The following HDAC9 variants were observed in gnomAD, a reference collection of about 807,000 sequenced individuals.
HDAC9 encodes MEF-2 interacting transcription repressor (MITR) protein.
HDAC9 carries 41 observed loss-of-function variants against 139.4 expected under a neutral mutation model. The ratio of observed to expected loss-of-function variants is 0.29; its 90% CI spans 0.23 to 0.38. HDAC9 has a LOEUF of 0.38. Ranked by LOEUF, HDAC9 falls within the 10% of genes least tolerant of loss-of-function variation. HDAC9 has a pLI of 1.00. For missense variants in HDAC9, 1,147 were observed against 1,297.0 expected, an observed-to-expected ratio of 0.88 and a Z score of 1.78; for synonymous variants, 517 against 476.2, an observed-to-expected ratio of 1.09 and a Z score of -1.12.
intron 1 of HDAC9, among the ~76,000 whole-genome samples, chr7:18,369,917 G>A (rs897623275): frequency 1.3e-5 from 2 of 152,078 alleles, no homozygotes; most frequent in Non-Finnish European, 2.9e-5. Flanking sequence ...GGAAAAAATT[G>A]TAAGGTCAAC....
chr7:18,314,530 T>C (rs1011993796), intron 1 of HDAC9, among the ~76,000 whole-genome samples: 16 of 152,336 alleles, frequency 1.1e-4, no homozygotes, highest in African/African-American at 3.8e-4. Flanking sequence ...TCCTTTTATC[T>C]CTGTTGGTGC....
At chr7:18,856,049 C>G (rs1260864096) in intron 21 of HDAC9, among the ~76,000 whole-genome samples, 1 of 152,078 alleles carries the variant, frequency 6.6e-6, no homozygotes, top group Admixed American at 6.6e-5. Flanking sequence ...TGCACACAGA[C>G]CCAACATCTG....
At chr7:18,705,852 C>G (rs1209463654) in intron 12 of HDAC9, among the ~76,000 whole-genome samples, 1 of 82,022 alleles carries the variant, frequency 1.2e-5, no homozygotes, top group African/African-American at 7.6e-5. Flanking sequence ...GACTCTGTCT[C>G]AAAAAAAAAA....
chr7:18,372,440 A>G (rs1043712093), intron 1 of HDAC9, among the ~76,000 whole-genome samples: 4 of 152,210 alleles, frequency 2.6e-5, no homozygotes, highest in Non-Finnish European at 4.4e-5. Flanking sequence ...GAGACAAGGT[A>G]GTCTGTTTTC....
At chr7:18,879,535 A>G (rs1214144503) in intron 22 of HDAC9, among the ~76,000 whole-genome samples, 1 of 152,158 alleles carries the variant, frequency 6.6e-6, no homozygotes, top group African/African-American at 2.4e-5. Flanking sequence ...GATCTTTGAC[A>G]AAACTGCCAG....
At chr7:18,880,824 A>C (rs1425419702) in intron 22 of HDAC9, among the ~76,000 whole-genome samples, 4 of 126,170 alleles carry the variant, frequency 3.2e-5, no homozygotes, top group Admixed American at 8.6e-5. Context: ...TGATTTAAAA[A>C]AGAATAGTTA....
chr7:18,124,328 T>G (rs558414761), intron 1 of HDAC9, among the ~76,000 whole-genome samples: 1 of 152,308 alleles, frequency 6.6e-6, no homozygotes, highest in East Asian at 1.9e-4. Context: ...AATTTTAGCT[T>G]TCCAAGTGGC....
At chr7:18,781,177 A>G (rs1028607481) in intron 16 of HDAC9, among the ~76,000 whole-genome samples, 1 of 151,954 alleles carries the variant, frequency 6.6e-6, no homozygotes, top group Non-Finnish European at 1.5e-5. Context: ...CCCCACCCTT[A>G]TGATCTCATT....
intron 24 of HDAC9, among the ~76,000 whole-genome samples, chr7:18,967,928 C>T (rs917470151): frequency 3.9e-5 from 6 of 152,098 alleles, no homozygotes; most frequent in African/African-American, 1.4e-4. Flanking sequence ...TTTCGGAGGC[C>T]GAGGCGGGCG....
rs1467019343 is a variant in HDAC9, at chr7:18,842,807, T to C, written c.2684+6810T>C. Among the ~76,000 whole-genome samples, 8 of 152,254 alleles carry C rather than the reference T, an allele frequency of 5.3e-5. No individual in the cohort carries two copies. The South Asian group carries it at 1.4e-3, about 28-fold the overall frequency. On this transcript the variant is annotated intron_variant, in intron 21 of 25. Coordinates refer to ENST00000686413, the MANE Select transcript of HDAC9 (RefSeq NM_178425.4). ...TGACCCTGAGAGTAAATTGATCTTA[T>C]GCACACCTGTCTTCCTAGGGAAACT...
intron 14 of HDAC9, among the ~76,000 whole-genome samples, chr7:18,757,444 C>A (rs1788976568): frequency 6.6e-6 from 1 of 152,172 alleles, no homozygotes; most frequent in African/African-American, 2.4e-5. Flanking sequence ...TTTGGAACTG[C>A]CACAAAATGA....
chr7:18,349,249 C>G (rs1481107827), intron 1 of HDAC9, among the ~76,000 whole-genome samples: 1 of 150,912 alleles, frequency 6.6e-6, no homozygotes, highest in Non-Finnish European at 1.5e-5. Flanking sequence ...AGCTGTGCAC[C>G]TCTCCCTGAC....
intron 1 of HDAC9, among the ~76,000 whole-genome samples, chr7:18,452,493 A>G (rs1301770071): frequency 1.3e-5 from 2 of 152,156 alleles, no homozygotes; most frequent in African/African-American, 2.4e-5. Context: ...TGCCATTTGC[A>G]TAGAGAAAGA....
intron 8 of HDAC9, among the ~76,000 whole-genome samples, chr7:18,638,012 G>A (rs1169119518): frequency 3.3e-5 from 5 of 151,994 alleles, no homozygotes; most frequent in African/African-American, 1.2e-4. Flanking sequence ...ATAGTAGTAC[G>A]GGATTTCATA....
intron 6 of HDAC9, among the ~76,000 whole-genome samples, chr7:18,613,560 C>CA (rs1484043740): frequency 6.6e-6 from 1 of 152,036 alleles, no homozygotes; most frequent in Admixed American, 6.6e-5. Flanking sequence ...TAGAAAAAAA[C>CA]AAAAATTCAT....
At chr7:18,773,815 A>G (rs899930340) in intron 16 of HDAC9, among the ~76,000 whole-genome samples, 1 of 152,070 alleles carries the variant, frequency 6.6e-6, no homozygotes, top group Admixed American at 6.6e-5. Context: ...TGTATTTTTC[A>G]TCTGTCATAT....
chr7:18,767,631 G>A (rs978843670), intron 16 of HDAC9, among the ~76,000 whole-genome samples: 1 of 152,030 alleles, frequency 6.6e-6, no homozygotes, highest in Non-Finnish European at 1.5e-5. Flanking sequence ...AACCCCTTGG[G>A]GACATTTTTG....
intron 13 of HDAC9, among the ~76,000 whole-genome samples, chr7:18,739,955 G>C (rs1428633396): frequency 6.6e-6 from 1 of 152,148 alleles, no homozygotes; most frequent in Non-Finnish European, 1.5e-5. Context: ...CTTTGTTTTA[G>C]CTACTCAAGC....
At chr7:18,124,716 G>T (rs1457012809) in intron 1 of HDAC9, among the ~76,000 whole-genome samples, 1 of 152,036 alleles carries the variant, frequency 6.6e-6, no homozygotes, top group African/African-American at 2.4e-5. Context: ...AAGAATCCAA[G>T]AGATTGATCT....
Sources: gnomAD v4.1 joint callset for allele counts (sites outside exome capture counted in the v4.1 genomes callset) on GRCh38, gnomAD v4.1.1 for gene constraint, MANE v1.5 for transcripts, NCBI Gene and HGNC (gene_info 2026-07-23, HGNC 2026-07-21) for gene names.